Variants in ADAMTSL1 observed in about 807,000 individuals in gnomAD.
The protein encoded by ADAMTSL1 is ADAMTS-like protein 1.
Under a neutral mutation model 201.8 loss-of-function variants are expected in ADAMTSL1, and 126 were observed. That is an observed-to-expected ratio of 0.62 (90% confidence interval 0.54 to 0.72). The LOEUF is 0.72. ADAMTSL1 is among the 30% of genes least tolerant of loss of function. The probability of loss-of-function intolerance (pLI) is 0.00; values close to 1 mark genes in which losing one functional copy is unlikely to be tolerated. For missense variants in ADAMTSL1, 2,679 were observed against 2,277.8 expected (o/e 1.18, Z -3.59); for synonymous variants, 1,121 against 903.4 (o/e 1.24, Z -4.32).
chr9:18,477,712 A>C (rs776240575), intron 1 of ADAMTSL1, among the ~76,000 whole-genome samples: 1 of 152,242 alleles, frequency 6.6e-6, no homozygotes, highest in African/African-American at 2.4e-5. Context: ...TGAAGCATTT[A>C]AAATTTAAAA....
intron 2 of ADAMTSL1, among the ~76,000 whole-genome samples, chr9:18,362,805 G>A (rs1283538816): frequency 5.9e-5 from 9 of 152,176 alleles, no homozygotes; most frequent in Admixed American, 5.9e-4. Context: ...TTTGCTGTTA[G>A]TTAGGCAAAA....
At chr9:18,232,160 T>C (rs1238869382) in intron 2 of ADAMTSL1, among the ~76,000 whole-genome samples, 8 of 152,156 alleles carry the variant, frequency 5.3e-5, no homozygotes, top group African/African-American at 1.9e-4. Flanking sequence ...TTTCCTCCTA[T>C]TCTTCTCCTC....
rs185647184 is a variant in ADAMTSL1, at chr9:18,008,399, A to G, written c.87+101477A>G. On this transcript the variant is annotated intron_variant, in intron 1 of 29. Coordinates refer to the ADAMTSL1 transcript ENST00000680146. ...CCAATACTCTTGGCATAACAAACAA[A>G]CTTTTTTACCAAGGCTTTGAGGCCC... 1.3e-3 allele frequency among the ~76,000 whole-genome samples: 192 copies of G among 151,934 alleles called. 1 individual carries two copies. The highest frequency in any genetic ancestry group is 1.5e-3 in the Non-Finnish European group (105 of 67,896).
rs1564003043 is a variant in ADAMTSL1, at chr9:18,504,870, AT to A, written c.106del (p.Trp36GlyfsTer22). 6.2e-7 allele frequency: 1 copy of A among 1,613,976 alleles called. No homozygotes were observed. Among genetic ancestry groups the A allele is most frequent in the East Asian group, 2.2e-5 (1 of 44,880 alleles). Reference protein sequence around the residue: ...ARSEEDRDGLWDAWGPWSECS... With the variant: ...ARSEEDRDGLXDAWGPWSECS... The stretch of plus-strand genomic sequence containing the variant: ...GCTCCGAGGAGGACCGGGACGGCCT[AT>A]GGGATGCCTGGGGCCCATGGAGTGA... On this transcript the variant is annotated frameshift_variant, in exon 2 of 29. Coordinates refer to ENST00000380548, the MANE Select transcript of ADAMTSL1 (RefSeq NM_001040272.6). LOFTEE classifies it high-confidence loss of function.
intron 13 of ADAMTSL1, among the ~76,000 whole-genome samples, chr9:18,706,106 T>A (rs761624848): frequency 2.7e-4 from 41 of 152,214 alleles, no homozygotes; most frequent in Admixed American, 1.2e-3. Flanking sequence ...TATTTCTTGA[T>A]CATATGCTAA....
intron 26 of ADAMTSL1, among the ~76,000 whole-genome samples, chr9:18,901,378 A>G (rs1367354661): frequency 6.6e-6 from 1 of 151,712 alleles, no homozygotes; most frequent in African/African-American, 2.4e-5. Flanking sequence ...ATAAAGGTAA[A>G]TAGACGGGCA....
At chr9:18,362,975 A>T (rs1586974586) in intron 2 of ADAMTSL1, among the ~76,000 whole-genome samples, 1 of 152,314 alleles carries the variant, frequency 6.6e-6, no homozygotes, top group East Asian at 1.9e-4. Flanking sequence ...TATTCCAAAA[A>T]ACACTGGCAT....
At chr9:18,031,513 C>G (rs1372362381) in intron 1 of ADAMTSL1, among the ~76,000 whole-genome samples, 3 of 152,068 alleles carry the variant, frequency 2.0e-5, no homozygotes, top group Non-Finnish European at 2.9e-5. Flanking sequence ...AATTCAGGCT[C>G]TAGTCCAATA....
At chr9:18,046,988 G>A (rs893142111) in intron 1 of ADAMTSL1, among the ~76,000 whole-genome samples, 4 of 152,092 alleles carry the variant, frequency 2.6e-5, no homozygotes, top group African/African-American at 9.7e-5. Flanking sequence ...GTGTGTGGGA[G>A]TTCAGATGCA....
At chr9:18,302,103 C>A (rs371614536) in intron 2 of ADAMTSL1, among the ~76,000 whole-genome samples, 1 of 151,996 alleles carries the variant, frequency 6.6e-6, no homozygotes, top group Non-Finnish European at 1.5e-5. Context: ...GTCAAAAGGC[C>A]CTATATTATG....
chr9:18,371,718 C>T (rs1484962448), intron 2 of ADAMTSL1, among the ~76,000 whole-genome samples: 1 of 152,104 alleles, frequency 6.6e-6, no homozygotes, highest in Non-Finnish European at 1.5e-5. Context: ...AAATGCATTT[C>T]ACAATCACAA....
At chr9:18,713,195 T>C (rs1303693303) in intron 14 of ADAMTSL1, among the ~76,000 whole-genome samples, 3 of 150,366 alleles carry the variant, frequency 2.0e-5, no homozygotes, top group South Asian at 4.3e-4. Context: ...CATCAACTAA[T>C]GAGCAAAATA....
chr9:18,350,385 T>C (rs1440124463), intron 2 of ADAMTSL1, among the ~76,000 whole-genome samples: 2 of 151,982 alleles, frequency 1.3e-5, no homozygotes, highest in Non-Finnish European at 2.9e-5. Flanking sequence ...ATGTAAAAAA[T>C]CAGGAAGTTG....
chr9:18,309,570 T>A (rs2132779550), intron 2 of ADAMTSL1, among the ~76,000 whole-genome samples: 1 of 152,020 alleles, frequency 6.6e-6, no homozygotes, highest in South Asian at 2.1e-4. Flanking sequence ...AAATCATGAG[T>A]GCACTCCCAT....
intron 2 of ADAMTSL1, among the ~76,000 whole-genome samples, chr9:18,333,830 G>C (rs1307636608): frequency 6.6e-6 from 1 of 152,152 alleles, no homozygotes; most frequent in African/African-American, 2.4e-5. Context: ...AGGGATTACT[G>C]ATTTAATATG....
intron 2 of ADAMTSL1, among the ~76,000 whole-genome samples, chr9:18,371,418 C>G (rs1055483721): frequency 6.6e-6 from 1 of 152,140 alleles, no homozygotes; most frequent in Non-Finnish European, 1.5e-5. Flanking sequence ...ATTGCCAAAC[C>G]TTAAAAACAC....
chr9:18,501,238 T>C (rs1405881611), intron 1 of ADAMTSL1, among the ~76,000 whole-genome samples: 1 of 152,042 alleles, frequency 6.6e-6, no homozygotes, highest in Non-Finnish European at 1.5e-5. Flanking sequence ...GGGCCGAGCG[T>C]GATGGCTCAT....
At chr9:18,416,450 T>C (rs1375907864) in intron 2 of ADAMTSL1, among the ~76,000 whole-genome samples, 3 of 151,990 alleles carry the variant, frequency 2.0e-5, no homozygotes, top group Non-Finnish European at 4.4e-5. Context: ...AGATAAAGTC[T>C]AAACATCCAA....
intron 2 of ADAMTSL1, among the ~76,000 whole-genome samples, chr9:18,201,813 C>T (rs751515835): frequency 6.6e-6 from 1 of 152,066 alleles, no homozygotes; most frequent in Non-Finnish European, 1.5e-5. Flanking sequence ...AACCTATTAA[C>T]CCTTAGTTTC....
Sources: gnomAD v4.1 joint callset for allele counts (sites outside exome capture counted in the v4.1 genomes callset) on GRCh38, gnomAD v4.1.1 for gene constraint, MANE v1.5 for transcripts, NCBI Gene and HGNC (gene_info 2026-07-23, HGNC 2026-07-21) for gene names.